NRG1: variants seen among roughly 807,000 people sequenced by gnomAD.
NRG1 encodes the protein pro-neuregulin-1, membrane-bound isoform.
Under a neutral mutation model 63.8 loss-of-function variants are expected in NRG1, and 18 were observed. The ratio of observed to expected loss-of-function variants is 0.28; its 90% CI spans 0.19 to 0.42. The LOEUF (loss-of-function observed/expected upper bound fraction) is 0.42. Among genes scored for constraint, NRG1 ranks in the 10% least tolerant of loss-of-function variants. The pLI, the probability that NRG1 is intolerant of heterozygous loss-of-function variation, is 1.00. For missense variants in NRG1, 762 were observed against 814.7 expected (o/e 0.94, Z 0.79); for synonymous variants, 302 against 301.3 (o/e 1.00, Z -0.02).
intron 1 of NRG1, among the ~76,000 whole-genome samples, chr8:31,909,398 A>T (rs927412347): frequency 6.6e-5 from 10 of 151,988 alleles, no homozygotes; most frequent in Admixed American, 6.5e-5. Context: ...TCTTGACCAG[A>T]CCCCTGGCTT....
chr8:31,690,240 TAA>T (rs1491293025), intron 1 of NRG1, among the ~76,000 whole-genome samples: 119,677 of 151,838 alleles, frequency 0.79, 48,100 homozygotes, highest in East Asian at 0.99. Context: ...GAGTCATTTA[TAA>T]ATTTCCTCTA....
intron 1 of NRG1, among the ~76,000 whole-genome samples, chr8:31,668,998 A>G (rs1806830061): frequency 6.6e-6 from 1 of 152,194 alleles, no homozygotes. Context: ...CATGAAGTTC[A>G]TTTATGTTTC....
chr8:32,660,750 G>A (rs1418672272), intron 5 of NRG1, among the ~76,000 whole-genome samples: 1 of 152,134 alleles, frequency 6.6e-6, no homozygotes, highest in South Asian at 2.1e-4. Context: ...ACTTTCCTCA[G>A]GGGCTTTTTG....
chr8:32,104,080 G>A (rs1349451407), intron 1 of NRG1, among the ~76,000 whole-genome samples: 1 of 152,134 alleles, frequency 6.6e-6, no homozygotes, highest in African/African-American at 2.4e-5. Flanking sequence ...TGCATTATTA[G>A]ACTATTTTGT....
intron 1 of NRG1, among the ~76,000 whole-genome samples, chr8:32,188,210 G>A (rs1413604369): frequency 1.3e-5 from 2 of 152,060 alleles, no homozygotes; most frequent in Non-Finnish European, 2.9e-5. Flanking sequence ...GGGATTACAG[G>A]CATTCACCAC....
intron 5 of NRG1, among the ~76,000 whole-genome samples, chr8:32,620,706 C>T (rs1449588293): frequency 6.6e-6 from 1 of 151,864 alleles, no homozygotes; most frequent in East Asian, 1.9e-4. Context: ...CCTGAAGTCT[C>T]AGCTACTTGG....
chr8:31,994,653 CAAAAAAAAAAAAA>C (rs59019886), intron 1 of NRG1, among the ~76,000 whole-genome samples: 5 of 62,334 alleles, frequency 8.0e-5, no homozygotes, highest in African/African-American at 3.0e-4. Context: ...TACTCTGTCT[CAAAAAAAAAAAAA>C]AAAAAAAAAA....
At position 32,662,716 on chromosome 8, in the gene NRG1, A is replaced by G. The variant is rs139221786; in HGVS notation, c.502+45831A>G. On this transcript the variant is annotated intron_variant, in intron 5 of 11. Transcript: ENST00000356819. ...TTGAAGATAGATTTAGAATGATGTAATGATGAATTGGATATGGGATTTGAG... is the reference window on the plus strand; with the variant it reads ...TTGAAGATAGATTTAGAATGATGTAGTGATGAATTGGATATGGGATTTGAG... Among the ~76,000 whole-genome samples, 184 of 152,302 alleles carry G rather than the reference A, an allele frequency of 1.2e-3. 1 individual carries two copies. The highest frequency in any genetic ancestry group is 2.7e-3 in the Admixed American group (42 of 15,290).
At chr8:31,787,143 A>G (rs1038451813) in intron 1 of NRG1, among the ~76,000 whole-genome samples, 3 of 152,200 alleles carry the variant, frequency 2.0e-5, no homozygotes, top group African/African-American at 7.2e-5. Context: ...TGAAGACCAA[A>G]CATGTATTTC....
chr8:31,997,994 C>T (rs968073440), intron 1 of NRG1, among the ~76,000 whole-genome samples: 2 of 151,978 alleles, frequency 1.3e-5, no homozygotes, highest in Non-Finnish European at 2.9e-5. Flanking sequence ...AATCACCATC[C>T]TCTATTGCCT....
At chr8:32,643,336 C>T (rs1284352688) in intron 5 of NRG1, among the ~76,000 whole-genome samples, 1 of 152,186 alleles carries the variant, frequency 6.6e-6, no homozygotes, top group Non-Finnish European at 1.5e-5. Flanking sequence ...TGCTTTCAGG[C>T]ACAGACTTTT....
chr8:32,017,963 T>C (rs1307480564), intron 1 of NRG1, among the ~76,000 whole-genome samples: 1 of 152,180 alleles, frequency 6.6e-6, no homozygotes, highest in Non-Finnish European at 1.5e-5. Flanking sequence ...ACCTTCTAAT[T>C]CTGCCTTGGT....
At chr8:31,665,052 G>A (rs1452515035) in intron 1 of NRG1, among the ~76,000 whole-genome samples, 1 of 152,204 alleles carries the variant, frequency 6.6e-6, no homozygotes, top group African/African-American at 2.4e-5. Flanking sequence ...TGTTGACGGG[G>A]AGAGGCTGGA....
intron 1 of NRG1, among the ~76,000 whole-genome samples, chr8:32,068,928 ACT>A (rs1482153880): frequency 4.6e-5 from 7 of 152,154 alleles, no homozygotes; most frequent in Non-Finnish European, 7.3e-5. Flanking sequence ...AGGGTGACAC[ACT>A]GTCTTTGTGA....
At chr8:32,625,144 A>G (rs1348777277) in intron 5 of NRG1, among the ~76,000 whole-genome samples, 2 of 152,204 alleles carry the variant, frequency 1.3e-5, no homozygotes, top group Non-Finnish European at 2.9e-5. Flanking sequence ...CCACTCTGTT[A>G]TAATGCACCT....
intron 1 of NRG1, among the ~76,000 whole-genome samples, chr8:32,195,475 A>T (rs547016193): frequency 6.6e-6 from 1 of 152,154 alleles, no homozygotes; most frequent in Non-Finnish European, 1.5e-5. Flanking sequence ...AGCAGTTAAA[A>T]TAGGTCAACA....
chr8:31,705,383 C>T (rs991748144), intron 1 of NRG1, among the ~76,000 whole-genome samples: 1 of 152,126 alleles, frequency 6.6e-6, no homozygotes, highest in East Asian at 1.9e-4. Flanking sequence ...GCCTTCTCCA[C>T]GCTGAAACTC....
At chr8:32,497,886 C>T (rs1297444936) in intron 1 of NRG1, among the ~76,000 whole-genome samples, 3 of 152,180 alleles carry the variant, frequency 2.0e-5, no homozygotes, top group African/African-American at 4.8e-5. Flanking sequence ...TGCAATGGCA[C>T]GATCTCGGCT....
chr8:32,121,314 G>T (rs781284073), intron 1 of NRG1, among the ~76,000 whole-genome samples: 3 of 151,960 alleles, frequency 2.0e-5, no homozygotes, highest in African/African-American at 4.8e-5. Context: ...TTGAGTGCAT[G>T]AAAAACACTG....
Sources: allele counts gnomAD v4.1 joint callset (sites outside exome capture counted in the v4.1 genomes callset), GRCh38; gene constraint gnomAD v4.1.1; transcripts MANE v1.5; gene names NCBI Gene and HGNC (gene_info 2026-07-23, HGNC 2026-07-21).